NPHP4: variants seen among roughly 807,000 people sequenced by gnomAD.
NPHP4 encodes the protein nephrocystin-4.
A neutral mutation model predicts 155.8 loss-of-function variants in NPHP4; 151 were observed. That is an observed-to-expected ratio of 0.97 (90% CI 0.85 to 1.11). The LOEUF is 1.11. Ranked by LOEUF, NPHP4 falls within the 50% of genes least tolerant of loss-of-function variation. The pLI, the probability that NPHP4 is intolerant of heterozygous loss-of-function variation, is 0.00. For missense variants in NPHP4, 1,956 were observed against 1,925.7 expected (o/e 1.02, Z -0.29); for synonymous variants, 845 against 816.8 (o/e 1.03, Z -0.59).
At chr1:5,869,870 G>GA (rs1641819454) in intron 23 of NPHP4, among the ~76,000 whole-genome samples, 3 of 152,210 alleles carry the variant, frequency 2.0e-5, no homozygotes, top group African/African-American at 7.2e-5. Context: ...AAAAAAACAG[G>GA]AAGAAACCCG....
In NPHP4 at chr1:5,890,724, A is replaced by AT; in HGVS notation, c.2304+143dup. Reference sequence around the variant, plus strand: ...TTCAAGAAACAGAGAATGCAGCACTATTTTTAACGAGTGAACAAAGAAGGT... The same window carrying AT: ...TTCAAGAAACAGAGAATGCAGCACTATTTTTTAACGAGTGAACAAAGAAGGT... On this transcript the variant is annotated intron_variant, in intron 17 of 29. Transcript: ENST00000378156. The surrounding 1 kb of genome is among the most constrained non-coding windows in gnomAD (Gnocchi z 4.9). 1 of 600,330 alleles carries AT rather than the reference A, an allele frequency of 1.7e-6. No homozygotes were observed. The highest frequency in any genetic ancestry group is 1.9e-5 in the African/African-American group (1 of 53,814). 37.2% of individuals were successfully genotyped at this position (600,330 alleles called of 1,614,324 possible).
intron 9 of NPHP4, among the ~76,000 whole-genome samples, chr1:5,938,873 C>T (rs960030236): frequency 7.9e-5 from 12 of 152,138 alleles, no homozygotes; most frequent in Admixed American, 7.9e-4. Flanking sequence ...GAATCTTCGG[C>T]CAACAACTGT....
intron 6 of NPHP4, among the ~76,000 whole-genome samples, chr1:5,955,930 C>T (rs1305116865): frequency 6.6e-6 from 1 of 152,152 alleles, no homozygotes; most frequent in Non-Finnish European, 1.5e-5. Flanking sequence ...TGGGAGATTA[C>T]AGTCACGCTA....
At chr1:5,963,679 C>A (rs1330138235) in intron 5 of NPHP4, among the ~76,000 whole-genome samples, 2 of 124,550 alleles carry the variant, frequency 1.6e-5, no homozygotes, top group African/African-American at 5.9e-5. Context: ...GGTTTCCAAC[C>A]TTTTCTTTTC....
At chr1:5,874,748 A>C (rs1014822907) in intron 21 of NPHP4, 91 bp from the exon 22 acceptor site, 22 of 1,521,188 alleles carry the variant, frequency 1.4e-5, no homozygotes, top group Non-Finnish European at 1.8e-5. Flanking sequence ...CGGTGCTCAG[A>C]GGAGTGGGAG....
intron 23 of NPHP4, chr1:5,868,254 A>T (rs1641480116): frequency 2.7e-6 from 1 of 376,154 alleles, no homozygotes; most frequent in Non-Finnish European, 5.2e-6. Flanking sequence ...CCCTGTGTGC[A>T]TGTGCGCAAG....
intron 3 of NPHP4, among the ~76,000 whole-genome samples, chr1:5,978,018 C>T (rs985870108): frequency 6.6e-6 from 1 of 150,916 alleles, no homozygotes; most frequent in African/African-American, 2.4e-5. Flanking sequence ...GACAAGACCC[C>T]CATTCCCCTG....
At chr1:5,962,842 T>C (rs1386040541) in intron 5 of NPHP4, among the ~76,000 whole-genome samples, 2 of 151,042 alleles carry the variant, frequency 1.3e-5, no homozygotes, top group Non-Finnish European at 3.0e-5. Flanking sequence ...GAAACGGGAG[T>C]GCGGGGAGAG....
intron 5 of NPHP4, among the ~76,000 whole-genome samples, chr1:5,965,650 G>T (rs1017541496): frequency 2.6e-5 from 4 of 152,132 alleles, no homozygotes; most frequent in Non-Finnish European, 4.4e-5. Flanking sequence ...TTCCAGGAGT[G>T]ACAGGAGGGG....
chr1:5,947,931 G>A, intron 8 of NPHP4, 139 bp downstream of exon 8: 1 of 685,642 alleles, frequency 1.5e-6, no homozygotes, highest in Non-Finnish European at 2.5e-6. Context: ...GTTCCTAATG[G>A]GCACAACTTC....
chr1:5,871,903 G>A (rs1237693001), intron 23 of NPHP4, among the ~76,000 whole-genome samples: 3 of 152,240 alleles, frequency 2.0e-5, no homozygotes, highest in Non-Finnish European at 2.9e-5. Flanking sequence ...GTCCTTATCA[G>A]TCAGAGATAC....
chr1:5,887,741 C>T (rs1210438067), intron 17 of NPHP4, among the ~76,000 whole-genome samples: 1 of 152,172 alleles, frequency 6.6e-6, no homozygotes. Context: ...ACCACTGGGC[C>T]CTGGGAAGGC....
At chr1:5,943,510 C>T (rs1473368749) in intron 9 of NPHP4, among the ~76,000 whole-genome samples, 2 of 152,100 alleles carry the variant, frequency 1.3e-5, no homozygotes, top group Non-Finnish European at 2.9e-5. Flanking sequence ...GAAGCAGCTG[C>T]CAAAAGCCTG....
intron 9 of NPHP4, among the ~76,000 whole-genome samples, chr1:5,945,547 C>T (rs765898230): frequency 6.6e-6 from 1 of 152,144 alleles, no homozygotes; most frequent in Non-Finnish European, 1.5e-5. Context: ...AAGGTCAACT[C>T]GCCGCTACCA....
chr1:5,949,803 C>G (rs2101964020), intron 7 of NPHP4, among the ~76,000 whole-genome samples: 1 of 152,200 alleles, frequency 6.6e-6, no homozygotes, highest in East Asian at 1.9e-4. Context: ...AATCCGGGAC[C>G]ACAAAACAGG....
chr1:5,907,716 C>G (rs968192265), intron 12 of NPHP4, among the ~76,000 whole-genome samples: 2 of 152,028 alleles, frequency 1.3e-5, no homozygotes, highest in Non-Finnish European at 2.9e-5. Flanking sequence ...GTGGAGTGCC[C>G]GCACCAATGT....
intron 22 of NPHP4, among the ~76,000 whole-genome samples, chr1:5,874,133 G>A (rs1223992498): frequency 2.6e-5 from 4 of 152,174 alleles, no homozygotes; most frequent in African/African-American, 9.7e-5. Context: ...GCTGCAGTCG[G>A]AAGGGACCAA....
Position 5,865,108 on chromosome 1 carries a change from C to T in NPHP4, c.3810G>A (p.Glu1270=), listed in dbSNP as rs1344500018. 8.1e-6 allele frequency: 13 copies of T among 1,613,512 alleles called. No individual in the cohort carries two copies. Among genetic ancestry groups the T allele is most frequent in the African/African-American group, 1.3e-5 (1 of 74,956 alleles). The change falls in exon 27 of 30, where the codon GAG becomes GAA. Residue 1270 remains glutamate, a synonymous_variant. Coordinates refer to ENST00000378156, the MANE Select transcript of NPHP4 (RefSeq NM_015102.5). ...KVRAFTSHPQ[E]LKTDPKGVFV... ...GCCCCCAGAGAGGCCGTACCTTCAGCTCCTGGGGATGAGAGGTGAAAGCTC... is the reference window on the plus strand; with the variant it reads ...GCCCCCAGAGAGGCCGTACCTTCAGTTCCTGGGGATGAGAGGTGAAAGCTC...
rs875573 is a variant in NPHP4 at position 5,967,192 on chromosome 1, A to G, written c.517+107T>C. ...AACCTCTTAGATAAATTAGCTAAGCAGATAGCAGTTTACACTGAGAAAGAT... is the reference window on the plus strand; with the variant it reads ...AACCTCTTAGATAAATTAGCTAAGCGGATAGCAGTTTACACTGAGAAAGAT... On this transcript the variant is annotated intron_variant, in intron 5 of 29. Coordinates refer to ENST00000378156, the MANE Select transcript of NPHP4 (RefSeq NM_015102.5). 543,045 of 841,290 alleles carry G rather than the reference A, an allele frequency of 0.65. 176,106 individuals are homozygous for G. The highest frequency in any genetic ancestry group is 0.75 in the East Asian group (28,062 of 37,240). 52.1% of individuals were successfully genotyped at this position (841,290 alleles called of 1,614,324 possible). A position where few individuals can be genotyped will look rare whatever the true frequency, so the allele number is the denominator to read the frequency against.
Sources: allele counts gnomAD v4.1 joint callset (sites outside exome capture counted in the v4.1 genomes callset), GRCh38; gene constraint gnomAD v4.1.1; non-coding constraint Gnocchi (gnomAD v3.1); transcripts MANE v1.5; gene names NCBI Gene and HGNC (gene_info 2026-07-23, HGNC 2026-07-21).